Variants in GNG12 observed in about 807,000 individuals in gnomAD.
GNG12 encodes the protein G protein subunit gamma 12.
For missense variants in GNG12, 69 were observed against 83.8 expected (o/e 0.82, Z 0.69); for synonymous variants, 28 against 29.7 (o/e 0.94, Z 0.19).
chr1:67,822,152 C>T (rs9662706), intron 1 of GNG12, among the ~76,000 whole-genome samples: 32,272 of 151,858 alleles, frequency 0.21, 4,171 homozygotes, highest in Middle Eastern at 0.38. Context: ...CGTCCTGGGC[C>T]GCATGCGCCC....
chr1:67,831,154 A>G (rs927861652), intron 1 of GNG12, among the ~76,000 whole-genome samples: 5 of 152,230 alleles, frequency 3.3e-5, no homozygotes, highest in Non-Finnish European at 5.9e-5. Context: ...TGCTTTCACA[A>G]CTTGCCTTCC....
rs554320263 is a variant in GNG12, at chr1:67,705,561, C to T, written c.109G>A (p.Ala37Thr). 14 of 1,608,022 alleles carry T rather than the reference C, an allele frequency of 8.7e-6. No individual in the cohort carries two copies. In the South Asian group the frequency reaches 1.3e-4, roughly 15 times the overall value. Residue 37 changes from alanine to threonine, a missense_variant, in exon 4 of 4, where the codon GCG becomes ACG. Ala to Thr is a moderately conservative substitution (Grantham distance 58). Transcript: ENST00000370982. The part of the protein sequence containing the change: ...IERIKVSKAS[A>T]DLMSYCEEHA... The stretch of plus-strand genomic sequence containing the variant: ...TCCTCACAGTAGGACATGAGGTCCG[C>T]TGATGCCTTCGAAACCTGACATGGA...
intron 2 of GNG12, among the ~76,000 whole-genome samples, chr1:67,768,473 A>G (rs561717106): frequency 5.2e-5 from 8 of 152,386 alleles, no homozygotes; most frequent in African/African-American, 1.9e-4. Context: ...ATTAAAAAAA[A>G]ACAGGCTGAG....
intron 1 of GNG12, among the ~76,000 whole-genome samples, chr1:67,831,623 G>C (rs1222255913): frequency 2.0e-5 from 3 of 152,086 alleles, no homozygotes; most frequent in Non-Finnish European, 4.4e-5. Context: ...AGGGCTTTAC[G>C]GCGCTGGTTA....
intron 2 of GNG12, among the ~76,000 whole-genome samples, chr1:67,770,777 C>T (rs890165662): frequency 6.6e-6 from 1 of 152,062 alleles, no homozygotes; most frequent in African/African-American, 2.4e-5. Flanking sequence ...CAGTCACAGT[C>T]AGGTAACGAC....
At chr1:67,801,184 A>C (rs1319574747) in intron 1 of GNG12, among the ~76,000 whole-genome samples, 1 of 152,202 alleles carries the variant, frequency 6.6e-6, no homozygotes, top group Non-Finnish European at 1.5e-5. Flanking sequence ...TCGCTTCCTC[A>C]AAACGGTCCC....
intron 2 of GNG12, among the ~76,000 whole-genome samples, chr1:67,731,648 A>C (rs980073430): frequency 1.3e-5 from 2 of 152,198 alleles, no homozygotes; most frequent in Admixed American, 1.3e-4. Flanking sequence ...TGTAGACTGG[A>C]ATCAGAAGGT....
At chr1:67,826,672 T>A (rs1176380987) in intron 1 of GNG12, among the ~76,000 whole-genome samples, 1 of 152,254 alleles carries the variant, frequency 6.6e-6, no homozygotes, top group African/African-American at 2.4e-5. Flanking sequence ...AAACTTGGTA[T>A]GATGATGTTA....
chr1:67,814,844 A>G (rs1394017278), intron 1 of GNG12, among the ~76,000 whole-genome samples: 1 of 152,238 alleles, frequency 6.6e-6, no homozygotes, highest in Non-Finnish European at 1.5e-5. Context: ...AAGTTACTGA[A>G]GCTCTCTTGA....
chr1:67,808,977 T>G (rs1457055841), intron 1 of GNG12, among the ~76,000 whole-genome samples: 1 of 152,056 alleles, frequency 6.6e-6, no homozygotes, highest in Non-Finnish European at 1.5e-5. Context: ...AGGCCTAGAA[T>G]AGCCAACTCA....
chr1:67,716,169 G>C (rs1315937669), intron 2 of GNG12, among the ~76,000 whole-genome samples: 1 of 152,094 alleles, frequency 6.6e-6, no homozygotes, highest in Non-Finnish European at 1.5e-5. Context: ...AGAGTGTCTA[G>C]AGCTTTACAA....
At chr1:67,781,196 A>G (rs929189647) in intron 1 of GNG12, among the ~76,000 whole-genome samples, 4 of 152,230 alleles carry the variant, frequency 2.6e-5, no homozygotes, top group African/African-American at 9.6e-5. Context: ...GCAGTCAGCC[A>G]TAACATCCAC....
chr1:67,732,400 T>C (rs540849913), intron 2 of GNG12, among the ~76,000 whole-genome samples: 2 of 152,318 alleles, frequency 1.3e-5, no homozygotes, highest in Admixed American at 1.3e-4. Context: ...TCCCATGGGA[T>C]CTGGAAGGTG....
Position 67,704,610 on chromosome 1 carries a change from C to G in GNG12, c.*841G>C, listed in dbSNP as rs534807303. 6.5e-6 allele frequency: 1 copy of G among 152,760 alleles called. No individual in the cohort carries two copies. The highest frequency in any genetic ancestry group is 2.4e-5 in the African/African-American group (1 of 41,554). 9.5% of individuals were successfully genotyped at this position (152,760 alleles called of 1,614,324 possible). ...CAGTAGAGAACATGAGCCCTGGGAG[C>G]ACAGCTGCCTGGAGTCCTCCCAAGG... On this transcript the variant is annotated 3_prime_UTR_variant, in exon 4 of 4. Coordinates refer to ENST00000370982, the MANE Select transcript of GNG12 (RefSeq NM_018841.6).
chr1:67,798,033 T>C (rs1646842404), intron 1 of GNG12, among the ~76,000 whole-genome samples: 1 of 152,120 alleles, frequency 6.6e-6, no homozygotes, highest in African/African-American at 2.4e-5. Context: ...TGCTCCCATG[T>C]TCAAGAACTT....
At chr1:67,803,192 T>C (rs1362296352) in intron 1 of GNG12, among the ~76,000 whole-genome samples, 1 of 151,162 alleles carries the variant, frequency 6.6e-6, no homozygotes, top group Non-Finnish European at 1.5e-5. Context: ...TTCCTTGATA[T>C]TTATCCCATT....
At chr1:67,786,842 C>G (rs939147097) in intron 1 of GNG12, among the ~76,000 whole-genome samples, 2 of 151,716 alleles carry the variant, frequency 1.3e-5, no homozygotes, top group Non-Finnish European at 2.9e-5. Flanking sequence ...GAGGCTGAAG[C>G]AGGAGAACTG....
intron 3 of GNG12, 30 bp from the exon 4 acceptor site, chr1:67,705,606 A>G: frequency 6.3e-7 from 1 of 1,590,456 alleles, no homozygotes; most frequent in Non-Finnish European, 8.5e-7. Flanking sequence ...AACAAACAAG[A>G]AAGAAAATAT....
intron 1 of GNG12, among the ~76,000 whole-genome samples, chr1:67,818,354 T>C (rs1257856147): frequency 6.7e-6 from 1 of 150,098 alleles, no homozygotes; most frequent in Non-Finnish European, 1.5e-5. Flanking sequence ...GTGAATCACA[T>C]AGTGGGTGTG....
Sources: gnomAD v4.1 joint callset for allele counts (sites outside exome capture counted in the v4.1 genomes callset) on GRCh38, gnomAD v4.1.1 for gene constraint, MANE v1.5 for transcripts, NCBI Gene and HGNC (gene_info 2026-07-23, HGNC 2026-07-21) for gene names.